ZEB1: variants seen among roughly 807,000 people sequenced by gnomAD.
The protein encoded by ZEB1 is zinc finger E-box-binding homeobox 1.
In ZEB1, 21 loss-of-function variants were observed where a neutral mutation model predicts 84.9. The observed-to-expected ratio is 0.25, with a 90% CI of 0.18 to 0.36. ZEB1 has a LOEUF of 0.36. Among genes scored for constraint, ZEB1 ranks in the 10% least tolerant of loss-of-function variants. The probability of loss-of-function intolerance (pLI) is 1.00; values close to 1 mark genes in which losing one functional copy is unlikely to be tolerated. For missense variants in ZEB1, 1,104 were observed against 1,330.2 expected (o/e 0.83, Z 2.65); for synonymous variants, 420 against 471.1 (o/e 0.89, Z 1.41).
chr10:31,405,226 G>A (rs918785833), intron 1 of ZEB1, among the ~76,000 whole-genome samples: 5 of 152,134 alleles, frequency 3.3e-5, no homozygotes, highest in African/African-American at 9.7e-5. Context: ...GTGTGTGTAT[G>A]TATGTTATTT....
chr10:31,479,479 G>A (rs2064753730), intron 2 of ZEB1, among the ~76,000 whole-genome samples: 1 of 151,738 alleles, frequency 6.6e-6, no homozygotes, highest in Non-Finnish European at 1.5e-5. Context: ...TCTGGTGAAG[G>A]TAAATGCAAA....
chr10:31,472,255 AAATT>A (rs1452750905), intron 2 of ZEB1, among the ~76,000 whole-genome samples: 45 of 152,248 alleles, frequency 3.0e-4, no homozygotes, highest in Non-Finnish European at 3.2e-4. Context: ...ACCCTTCAAA[AAATT>A]AATTAATCCC....
At chr10:31,494,193 T>G (rs890340280) in intron 2 of ZEB1, among the ~76,000 whole-genome samples, 2 of 151,832 alleles carry the variant, frequency 1.3e-5, no homozygotes, top group Non-Finnish European at 2.9e-5. Context: ...AAAAAGGGGG[T>G]GCTAGAGGTT....
At chr10:31,406,590 T>G (rs2053106174) in intron 1 of ZEB1, among the ~76,000 whole-genome samples, 1 of 152,184 alleles carries the variant, frequency 6.6e-6, no homozygotes, top group Non-Finnish European at 1.5e-5. Context: ...TTCTGGATAT[T>G]AGCCTTCTGT....
intron 2 of ZEB1, among the ~76,000 whole-genome samples, chr10:31,486,157 A>G (rs201215067): frequency 1.3e-5 from 2 of 151,816 alleles, no homozygotes; most frequent in African/African-American, 4.8e-5. Flanking sequence ...GTTGTTTCCA[A>G]TTTACGGAGA....
Position 31,323,917 on chromosome 10 carries a change from C to T in ZEB1, c.58+4625C>T, listed in dbSNP as rs760490543. Reference sequence around the variant, plus strand: ...CTTGAACTAAGTAGGTATTGAATTGCCAGGTAAGCCTGTGTTAATTTCTTA... The same window carrying T: ...CTTGAACTAAGTAGGTATTGAATTGTCAGGTAAGCCTGTGTTAATTTCTTA... On this transcript the variant is annotated intron_variant, in intron 1 of 8. Coordinates refer to ENST00000424869, the MANE Select transcript of ZEB1 (RefSeq NM_001174096.2). Among the ~76,000 whole-genome samples, 40 of 151,384 alleles carry T rather than the reference C, an allele frequency of 2.6e-4. No individual in the cohort carries two copies. The Middle Eastern group carries it at 0.014, about 52-fold the overall frequency.
At chr10:31,506,590 A>T (rs2069017142) in intron 4 of ZEB1, among the ~76,000 whole-genome samples, 1 of 152,128 alleles carries the variant, frequency 6.6e-6, no homozygotes, top group Non-Finnish European at 1.5e-5. Flanking sequence ...ACTCCTGCTC[A>T]CTATGGTTTC....
At chr10:31,321,654 G>A (rs574462493) in intron 1 of ZEB1, 328 of 1,395,550 alleles carry the variant, frequency 2.4e-4, no homozygotes, top group Middle Eastern at 1.1e-3. Flanking sequence ...ACCACCCAGC[G>A]TCTGTGCAGC....
intron 1 of ZEB1, among the ~76,000 whole-genome samples, chr10:31,425,706 A>T (rs2056836524): frequency 6.6e-6 from 1 of 152,118 alleles, no homozygotes; most frequent in Non-Finnish European, 1.5e-5. Context: ...AAGTTTTTGA[A>T]CTATCTGGCT....
In ZEB1 at chr10:31,521,151, C is replaced by T; in HGVS notation, c.1819C>T (p.Pro607Ser). 1.2e-6 allele frequency: 2 copies of T among 1,614,048 alleles called. No homozygotes were observed. Among genetic ancestry groups the T allele is most frequent in the South Asian group, 1.1e-5 (1 of 91,076 alleles). Residue 607 changes from proline to serine, a missense_variant, in exon 7 of 9, where the codon CCA (proline) becomes TCA (serine). Transcript: ENST00000424869. ...LKAYYALNAQ[P>S]SAEELSKIAD... is the part of the protein sequence containing the mutation. Reference sequence around the variant, plus strand: ...AGCATATTATGCTTTGAATGCACAACCAAGTGCAGAAGAGCTCTCAAAAAT... The same window carrying T: ...AGCATATTATGCTTTGAATGCACAATCAAGTGCAGAAGAGCTCTCAAAAAT...
intron 1 of ZEB1, among the ~76,000 whole-genome samples, chr10:31,421,332 T>G (rs773178628): frequency 6.6e-6 from 1 of 152,122 alleles, no homozygotes; most frequent in Non-Finnish European, 1.5e-5. Context: ...TACACATGCA[T>G]GGGTTGGGAC....
chr10:31,319,351 G>T, intron 1 of ZEB1, 59 bp downstream of exon 1: 1 of 1,550,768 alleles, frequency 6.4e-7, no homozygotes, highest in South Asian at 1.2e-5. Flanking sequence ...CAGCCGGGGC[G>T]CCCCCGGGGG....
chr10:31,461,409 A>G (rs1405413963), intron 2 of ZEB1, among the ~76,000 whole-genome samples, 172 bp downstream of exon 2: 1 of 152,150 alleles, frequency 6.6e-6, no homozygotes, highest in African/African-American at 2.4e-5. Context: ...AGAATAAGCA[A>G]GTTATTTTGA....
intron 1 of ZEB1, among the ~76,000 whole-genome samples, chr10:31,441,990 G>A (rs555854948): frequency 1.3e-5 from 2 of 152,328 alleles, no homozygotes; most frequent in South Asian, 2.1e-4. Flanking sequence ...CATTGTGGAA[G>A]ACAGTGTGGC....
chr10:31,352,552 G>T (rs947008594), intron 1 of ZEB1, among the ~76,000 whole-genome samples: 1 of 152,182 alleles, frequency 6.6e-6, no homozygotes, highest in Non-Finnish European at 1.5e-5. Context: ...TCTGCTTTGT[G>T]TGGTCTTGGC....
chr10:31,326,899 A>G (rs1177901755), intron 1 of ZEB1, among the ~76,000 whole-genome samples: 1 of 152,096 alleles, frequency 6.6e-6, no homozygotes, highest in Non-Finnish European at 1.5e-5. Flanking sequence ...TTTGGATTAT[A>G]CTTTTGGTCA....
chr10:31,478,364 A>G (rs2064553031), intron 2 of ZEB1, among the ~76,000 whole-genome samples: 1 of 151,954 alleles, frequency 6.6e-6, no homozygotes, highest in African/African-American at 2.4e-5. Context: ...AGATGTTGGC[A>G]TGGATGCAGA....
chr10:31,418,364 G>A (rs1407957399), intron 1 of ZEB1, among the ~76,000 whole-genome samples: 1 of 152,008 alleles, frequency 6.6e-6, no homozygotes. Flanking sequence ...AGGCCAGAAT[G>A]TAGATTTGTT....
intron 1 of ZEB1, among the ~76,000 whole-genome samples, chr10:31,430,139 A>T (rs1218280832): frequency 2.0e-5 from 3 of 152,174 alleles, no homozygotes; most frequent in Non-Finnish European, 4.4e-5. Context: ...TTGAAATATA[A>T]ATCTTTTGAA....
Sources: allele counts gnomAD v4.1 joint callset (sites outside exome capture counted in the v4.1 genomes callset), GRCh38; gene constraint gnomAD v4.1.1; transcripts MANE v1.5; gene names NCBI Gene and HGNC (gene_info 2026-07-23, HGNC 2026-07-21).